CNTNAP2: variants seen among roughly 807,000 people sequenced by gnomAD.
CNTNAP2 encodes the protein contactin associated protein 2.
In CNTNAP2, 98 loss-of-function variants were observed where a neutral mutation model predicts 155.2. The ratio of observed to expected loss-of-function variants is 0.63; its 90% CI spans 0.54 to 0.75. The LOEUF (loss-of-function observed/expected upper bound fraction) is 0.75. CNTNAP2 is among the 30% of genes least tolerant of loss of function. The probability of loss-of-function intolerance (pLI) is 0.00; values close to 1 mark genes in which losing one functional copy is unlikely to be tolerated. For missense variants in CNTNAP2, 1,727 were observed against 1,688.1 expected, an observed-to-expected ratio of 1.02 and a Z score of -0.40; for synonymous variants, 651 against 631.2, an observed-to-expected ratio of 1.03 and a Z score of -0.47.
At chr7:147,654,078 T>G (rs1348755311) in intron 13 of CNTNAP2, among the ~76,000 whole-genome samples, 1 of 152,158 alleles carries the variant, frequency 6.6e-6, no homozygotes, top group Non-Finnish European at 1.5e-5. Context: ...TATAAGGTTC[T>G]AATGTAAATA....
At chr7:147,967,968 T>C (rs759195972) in intron 14 of CNTNAP2, among the ~76,000 whole-genome samples, 1 of 152,202 alleles carries the variant, frequency 6.6e-6, no homozygotes. Context: ...AGGCTTGTTG[T>C]TGGGTTTTTT....
rs1339581063 is a variant in CNTNAP2, at chr7:146,475,871, AT to A, written c.98-298399del. Among the ~76,000 whole-genome samples, 12 of 152,304 alleles carry A rather than the reference AT, an allele frequency of 7.9e-5. No individual in the cohort carries two copies. In the East Asian group the frequency reaches 2.1e-3, roughly 27 times the overall value. On this transcript the variant is annotated intron_variant, in intron 1 of 23. Transcript: ENST00000361727. ...ATGTTGTCACAGTTTGACAGCAGAC[AT>A]GAAAAGTAGAAGTCACAGAGAAGCT...
At chr7:148,281,232 C>A (rs1796969351) in intron 21 of CNTNAP2, among the ~76,000 whole-genome samples, 1 of 152,192 alleles carries the variant, frequency 6.6e-6, no homozygotes, top group Admixed American at 6.5e-5. Context: ...TAATATAATA[C>A]ATTTCTTTAA....
chr7:147,731,164 G>T (rs186709500), intron 13 of CNTNAP2, among the ~76,000 whole-genome samples: 2 of 152,252 alleles, frequency 1.3e-5, no homozygotes, highest in South Asian at 4.1e-4. Flanking sequence ...TCTAGCTAAC[G>T]TAATTGATGA....
intron 13 of CNTNAP2, among the ~76,000 whole-genome samples, chr7:147,755,735 T>C (rs2049469): frequency 0.68 from 103,396 of 152,044 alleles, 36,207 homozygotes; most frequent in East Asian, 0.96. Flanking sequence ...GCCATCCAGT[T>C]CGCACTGGTT....
At chr7:147,496,025 A>G (rs1306267090) in intron 11 of CNTNAP2, among the ~76,000 whole-genome samples, 1 of 152,166 alleles carries the variant, frequency 6.6e-6, no homozygotes. Context: ...CCTTATGAGA[A>G]TCTAATGCCT....
In CNTNAP2 at chr7:147,638,963, G is replaced by C. The variant is rs953104473; in HGVS notation, c.1898-143G>C. On this transcript the variant is annotated intron_variant, in intron 12 of 23. Coordinates refer to ENST00000361727, the MANE Select transcript of CNTNAP2 (RefSeq NM_014141.6). ...ACTTAGGGATGAGCAAAGAGCAGGG[G>C]GTTTTAAGGATTGCTCTCCTTAACA... 4.8e-6 allele frequency: 4 copies of C among 828,538 alleles called. No homozygotes were observed. The African/African-American group carries it at 6.7e-5, about 14-fold the overall frequency. The allele number at this position is 828,538 out of a possible 1,614,324, so 51.3% of individuals were successfully genotyped here.
At chr7:147,351,131 T>G (rs920479616) in intron 9 of CNTNAP2, among the ~76,000 whole-genome samples, 19 of 151,982 alleles carry the variant, frequency 1.3e-4, no homozygotes, top group African/African-American at 4.3e-4. Flanking sequence ...TGCAGTGTTT[T>G]AAAATGTATT....
At chr7:146,591,317 T>C (rs1246084970) in intron 1 of CNTNAP2, among the ~76,000 whole-genome samples, 1 of 133,084 alleles carries the variant, frequency 7.5e-6, no homozygotes, top group Non-Finnish European at 1.6e-5. Context: ...TGTACTCCCA[T>C]ACAATGAGGC....
At chr7:147,731,021 G>A (rs111580698) in intron 13 of CNTNAP2, among the ~76,000 whole-genome samples, 172 of 152,240 alleles carry the variant, frequency 1.1e-3, no homozygotes, top group African/African-American at 3.8e-3. Flanking sequence ...AAGTGAGAAA[G>A]CTGCAGAAGA....
intron 1 of CNTNAP2, among the ~76,000 whole-genome samples, chr7:146,617,925 T>G (rs570355975): frequency 1.3e-5 from 2 of 152,296 alleles, no homozygotes; most frequent in South Asian, 4.1e-4. Flanking sequence ...TCAATTCATA[T>G]GTATATGCCT....
chr7:146,705,150 A>G (rs1800941451), intron 1 of CNTNAP2, among the ~76,000 whole-genome samples: 2 of 152,138 alleles, frequency 1.3e-5, no homozygotes, highest in African/African-American at 4.8e-5. Context: ...TTTGGCTAAA[A>G]AGTGTTTAGG....
Position 146,618,038 on chromosome 7 carries a change from AAAAT to A in CNTNAP2, c.98-156229_98-156226del, listed in dbSNP as rs201836783. The stretch of plus-strand genomic sequence containing the variant: ...GTTAATTTTTTAAAAAAAGTAAAGA[AAAAT>A]AAAGAAAATTGGAGTAATAAAAACC... On this transcript the variant is annotated intron_variant, in intron 1 of 23. Coordinates refer to ENST00000361727, the MANE Select transcript of CNTNAP2 (RefSeq NM_014141.6). Among the ~76,000 whole-genome samples, 1,083 of 152,282 alleles carry A rather than the reference AAAAT, an allele frequency of 7.1e-3. 18 individuals are homozygous for A. The highest frequency in any genetic ancestry group is 0.025 in the African/African-American group (1,027 of 41,550).
At chr7:146,853,093 C>A (rs999167557) in intron 3 of CNTNAP2, among the ~76,000 whole-genome samples, 3 of 152,120 alleles carry the variant, frequency 2.0e-5, no homozygotes, top group Non-Finnish European at 4.4e-5. Flanking sequence ...GAAACCAGAC[C>A]AATACAAAAG....
chr7:146,699,292 A>T (rs892510841), intron 1 of CNTNAP2, among the ~76,000 whole-genome samples: 9 of 152,190 alleles, frequency 5.9e-5, no homozygotes, highest in South Asian at 2.1e-4. Flanking sequence ...TATGTGACAG[A>T]GACTAAAATG....
intron 21 of CNTNAP2, among the ~76,000 whole-genome samples, chr7:148,372,027 C>T (rs1241594490): frequency 6.6e-6 from 1 of 151,908 alleles, no homozygotes; most frequent in Non-Finnish European, 1.5e-5. Flanking sequence ...GGTGAAACCC[C>T]GTCTCTAGTA....
At chr7:146,956,693 C>A (rs1319078945) in intron 3 of CNTNAP2, among the ~76,000 whole-genome samples, 1 of 152,124 alleles carries the variant, frequency 6.6e-6, no homozygotes, top group African/African-American at 2.4e-5. Context: ...TGTATAATAT[C>A]CCCTTGAAAA....
At chr7:146,256,741 C>G (rs1799844146) in intron 1 of CNTNAP2, among the ~76,000 whole-genome samples, 1 of 152,032 alleles carries the variant, frequency 6.6e-6, no homozygotes, top group African/African-American at 2.4e-5. Context: ...AAATCCCATG[C>G]CTTACCACAA....
intron 1 of CNTNAP2, among the ~76,000 whole-genome samples, chr7:146,505,005 G>A (rs923561350): frequency 2.6e-5 from 4 of 152,186 alleles, no homozygotes; most frequent in African/African-American, 9.6e-5. Flanking sequence ...TGTGTTAGGG[G>A]CACCTTGTGT....
Sources: gnomAD v4.1 joint callset for allele counts (sites outside exome capture counted in the v4.1 genomes callset) on GRCh38, gnomAD v4.1.1 for gene constraint, MANE v1.5 for transcripts, NCBI Gene and HGNC (gene_info 2026-07-23, HGNC 2026-07-21) for gene names.